Variants in SLC71A1 observed in about 807,000 individuals in gnomAD.
SLC71A1 encodes solute carrier family 71 member 1.
the SLC71A1 span, among the ~76,000 whole-genome samples, chr1:100,052,779 T>A: frequency 5.3e-5 from 8 of 151,350 alleles, 1 homozygote; most frequent in South Asian, 1.3e-3. Flanking sequence ...TTTTTTTTTT[T>A]ATTTTGTTTG....
chr1:100,068,517 C>T, the SLC71A1 span: 1 of 1,613,976 alleles, frequency 6.2e-7, no homozygotes, highest in Non-Finnish European at 8.5e-7. Flanking sequence ...TGCTGATCTG[C>T]ATTACAGTGT....
At chr1:100,053,861 G>A in the SLC71A1 span, among the ~76,000 whole-genome samples, 12,377 of 152,138 alleles carry the variant, frequency 0.081, 798 homozygotes, top group African/African-American at 0.18. Context: ...TATTTTTAAA[G>A]ATTGAGGTCT....
At chr1:100,040,605 C>T in the SLC71A1 span, among the ~76,000 whole-genome samples, 1 of 152,052 alleles carries the variant, frequency 6.6e-6, no homozygotes, top group African/African-American at 2.4e-5. Flanking sequence ...GGACTACAGG[C>T]ACGTGCCACC....
chr1:100,082,180 G>T, the SLC71A1 span: 9 of 1,614,056 alleles, frequency 5.6e-6, no homozygotes, highest in Non-Finnish European at 7.6e-6. Context: ...AGAGGCCAAA[G>T]AACCTTTACT....
chr1:100,070,246 C>T, the SLC71A1 span, among the ~76,000 whole-genome samples: 15 of 152,066 alleles, frequency 9.9e-5, no homozygotes, highest in South Asian at 6.2e-4. Context: ...TCAGCAGAGA[C>T]GCAAAGGTAT....
chr1:100,081,995 T>C, the SLC71A1 span: 1 of 1,605,020 alleles, frequency 6.2e-7, no homozygotes, highest in Non-Finnish European at 8.5e-7. Context: ...TACTTTATTC[T>C]TCCTCAGAAT....
the SLC71A1 span, chr1:100,081,998 C>G: frequency 6.2e-7 from 1 of 1,607,390 alleles, no homozygotes; most frequent in South Asian, 1.1e-5. Context: ...TTTATTCTTC[C>G]TCAGAATTCC....
chr1:100,050,348 C>T, the SLC71A1 span, among the ~76,000 whole-genome samples: 1 of 152,110 alleles, frequency 6.6e-6, no homozygotes, highest in Non-Finnish European at 1.5e-5. Context: ...CTTTGAGGTT[C>T]ATTTATGCAG....
chr1:100,059,048 G>GA, the SLC71A1 span, among the ~76,000 whole-genome samples: 193 of 150,440 alleles, frequency 1.3e-3, 2 homozygotes, highest in African/African-American at 2.4e-4. Flanking sequence ...GATTGAAGAG[G>GA]AAAAAACTAT....
chr1:100,061,960 T>TTATTC, the SLC71A1 span: 1 of 1,430,498 alleles, frequency 7.0e-7, no homozygotes, highest in South Asian at 1.1e-5. Flanking sequence ...GTATGTATGT[T>TTATTC]TATTCTATAC....
At chr1:100,073,570 CA>C in the SLC71A1 span, among the ~76,000 whole-genome samples, 1 of 152,206 alleles carries the variant, frequency 6.6e-6, no homozygotes, top group Non-Finnish European at 1.5e-5. Flanking sequence ...GCATCTCCAT[CA>C]CACTGCCCTG....
At chr1:100,068,200 G>A in the SLC71A1 span, 2 of 1,610,666 alleles carry the variant, frequency 1.2e-6, no homozygotes, top group Admixed American at 3.3e-5. Flanking sequence ...TTTGCGGTAA[G>A]TTTATACTTT....
At chr1:100,082,278 C>T in the SLC71A1 span, 1 of 1,156,266 alleles carries the variant, frequency 8.6e-7, no homozygotes, top group South Asian at 1.3e-5. Flanking sequence ...TCTGGATGTA[C>T]ATTCCATTTC....
At chr1:100,043,783 C>A in the SLC71A1 span, among the ~76,000 whole-genome samples, 2,037 of 152,356 alleles carry the variant, frequency 0.013, 18 homozygotes, top group Middle Eastern at 0.058. Context: ...GCTGAACTCT[C>A]ACTTGTAAGT....
At chr1:100,064,137 A>G in the SLC71A1 span, among the ~76,000 whole-genome samples, 2 of 152,086 alleles carry the variant, frequency 1.3e-5, no homozygotes. Context: ...GTGTGTGTAT[A>G]TATATATAGT....
chr1:100,081,705 C>T, the SLC71A1 span, among the ~76,000 whole-genome samples: 2 of 152,256 alleles, frequency 1.3e-5, no homozygotes, highest in South Asian at 4.1e-4. Context: ...TTTCTATAAA[C>T]GTTTTCCCCT....
At chr1:100,073,634 G>A in the SLC71A1 span, among the ~76,000 whole-genome samples, 1 of 152,166 alleles carries the variant, frequency 6.6e-6, no homozygotes, top group Non-Finnish European at 1.5e-5. Flanking sequence ...AAATAAGCAG[G>A]CTCATATGCA....
At chr1:100,060,349 TTATC>T in the SLC71A1 span, among the ~76,000 whole-genome samples, 1 of 152,222 alleles carries the variant, frequency 6.6e-6, no homozygotes, top group Non-Finnish European at 1.5e-5. Context: ...AAATTTGTCA[TTATC>T]TATATTAGTT....
chr1:100,079,603 G>T, the SLC71A1 span: 2 of 152,212 alleles, frequency 1.3e-5, no homozygotes, highest in Non-Finnish European at 2.9e-5. Context: ...GTTATTGGCC[G>T]GGCGCAGTGG....
Sources: gnomAD v4.1 joint callset for allele counts (sites outside exome capture counted in the v4.1 genomes callset) on GRCh38, gnomAD v4.1.1 for gene constraint, MANE v1.5 for transcripts, NCBI Gene and HGNC (gene_info 2026-07-23, HGNC 2026-07-21) for gene names.